LRP1B: variants seen among roughly 807,000 people sequenced by gnomAD.
LRP1B encodes low-density lipoprotein receptor-related protein 1B.
Under a neutral mutation model 556.6 loss-of-function variants are expected in LRP1B, and 217 were observed. The observed-to-expected ratio is 0.39, with a 90% CI of 0.35 to 0.44. The LOEUF (loss-of-function observed/expected upper bound fraction) is 0.44, where lower values mean the gene tolerates loss of function less well. Among genes scored for constraint, LRP1B ranks in the 20% least tolerant of loss-of-function variants. LRP1B has a pLI of 1.00. For synonymous variants in LRP1B, 2,047 were observed against 1,865.8 expected (o/e 1.10, Z -2.50); for missense variants, 5,053 against 5,620.8 (o/e 0.90, Z 3.23).
intron 7 of LRP1B, among the ~76,000 whole-genome samples, chr2:141,163,519 G>A (rs1256210158): frequency 2.6e-5 from 4 of 152,004 alleles, no homozygotes; most frequent in Admixed American, 2.6e-4. Context: ...GATAGGGTTT[G>A]GCTGTGTCCT....
At chr2:141,518,442 A>G (rs1351432093) in intron 2 of LRP1B, among the ~76,000 whole-genome samples, 2 of 152,170 alleles carry the variant, frequency 1.3e-5, no homozygotes, top group African/African-American at 4.8e-5. Flanking sequence ...TTTATTTCTC[A>G]CAGCAAATAT....
chr2:140,676,941 T>C (rs1329756748), intron 41 of LRP1B, among the ~76,000 whole-genome samples: 1 of 152,230 alleles, frequency 6.6e-6, no homozygotes, highest in African/African-American at 2.4e-5. Context: ...TCAAAACATG[T>C]TTTTCATATC....
At chr2:140,476,771 T>C (rs1340390670) in intron 59 of LRP1B, among the ~76,000 whole-genome samples, 1 of 151,994 alleles carries the variant, frequency 6.6e-6, no homozygotes, top group Non-Finnish European at 1.5e-5. Flanking sequence ...AAAGGTGTAA[T>C]GTTATAAACA....
At chr2:141,544,310 C>CTTCTTCTTCTTCTTCTTCTTCTTCTT (rs1553533071) in intron 2 of LRP1B, among the ~76,000 whole-genome samples, 241 of 19,092 alleles carry the variant, frequency 0.013, 11 homozygotes, top group South Asian at 0.047. Flanking sequence ...TCTTCTTCTT[C>CTTCTTCTTCTTCTTCTTCTTCTTCTT]TTCTTCTTCT....
chr2:141,453,193 C>T (rs1323502046), intron 3 of LRP1B, among the ~76,000 whole-genome samples: 4 of 151,902 alleles, frequency 2.6e-5, no homozygotes, highest in Non-Finnish European at 4.4e-5. Context: ...GCTGAGATTG[C>T]CCCACTACAC....
chr2:141,207,493 T>C (rs767020382), intron 6 of LRP1B, among the ~76,000 whole-genome samples: 1 of 152,240 alleles, frequency 6.6e-6, no homozygotes, highest in Non-Finnish European at 1.5e-5. Flanking sequence ...TGGAATTCTA[T>C]AAAGGTTTCT....
intron 2 of LRP1B, among the ~76,000 whole-genome samples, chr2:141,754,040 A>G (rs1163383773): frequency 6.6e-6 from 1 of 152,194 alleles, no homozygotes; most frequent in East Asian, 1.9e-4. Context: ...CTGCACTAGC[A>G]TGCCCTGTAC....
intron 2 of LRP1B, among the ~76,000 whole-genome samples, chr2:141,592,769 A>C (rs557347717): frequency 6.6e-6 from 1 of 152,110 alleles, no homozygotes; most frequent in South Asian, 2.1e-4. Context: ...TTGAGATTCT[A>C]TTCTAGGTTT....
chr2:141,592,895 G>C (rs1687390632), intron 2 of LRP1B, among the ~76,000 whole-genome samples: 1 of 152,108 alleles, frequency 6.6e-6, no homozygotes, highest in Admixed American at 6.6e-5. Context: ...GATGGGCAAG[G>C]TCATTTTATT....
chr2:141,686,578 T>C (rs984581788), intron 2 of LRP1B, among the ~76,000 whole-genome samples: 17 of 152,050 alleles, frequency 1.1e-4, no homozygotes, highest in Non-Finnish European at 2.1e-4. Flanking sequence ...GTTGATCTAC[T>C]ATGCCATATT....
chr2:142,103,585 T>C (rs1367143002), intron 1 of LRP1B, among the ~76,000 whole-genome samples: 7 of 151,992 alleles, frequency 4.6e-5, no homozygotes. Flanking sequence ...TCACTTGTAA[T>C]GTACAAATTT....
chr2:140,986,126 G>A (rs2105348579), intron 17 of LRP1B, among the ~76,000 whole-genome samples: 1 of 148,398 alleles, frequency 6.7e-6, no homozygotes, highest in Middle Eastern at 3.6e-3. Flanking sequence ...TTTTTTCCTT[G>A]GATGAGAGTA....
At position 140,651,084 on chromosome 2, in the gene LRP1B, C is replaced by A. The variant is rs1341402849; in HGVS notation, c.6799+49166G>T. 2.0e-5 allele frequency among the ~76,000 whole-genome samples: 3 copies of A among 152,012 alleles called. No homozygotes were observed. In the East Asian group the frequency reaches 5.8e-4, roughly 29 times the overall value. ...ACTCTGAAAAGAGCACCTTAATTCT[C>A]TTTTCTTCCGAATGGCCTTTAACAG... On this transcript the variant is annotated intron_variant, in intron 41 of 90. Transcript: ENST00000389484.
intron 23 of LRP1B, among the ~76,000 whole-genome samples, chr2:140,893,995 T>G (rs1693875407): frequency 6.6e-6 from 1 of 151,818 alleles, no homozygotes; most frequent in Admixed American, 6.6e-5. Context: ...GACAGAAAGG[T>G]TTGAGGTTAA....
chr2:140,589,292 C>A (rs1431802939), intron 43 of LRP1B, among the ~76,000 whole-genome samples: 3 of 151,722 alleles, frequency 2.0e-5, no homozygotes, highest in South Asian at 2.1e-4. Flanking sequence ...AACCACATAG[C>A]CAACAAAAAA....
At chr2:142,001,113 C>T (rs1702638717) in intron 1 of LRP1B, among the ~76,000 whole-genome samples, 1 of 152,158 alleles carries the variant, frequency 6.6e-6, no homozygotes, top group South Asian at 2.1e-4. Context: ...TTTTCGCCTT[C>T]CACCATGATT....
At chr2:141,617,239 A>T (rs1222790125) in intron 2 of LRP1B, among the ~76,000 whole-genome samples, 1 of 152,200 alleles carries the variant, frequency 6.6e-6, no homozygotes, top group Non-Finnish European at 1.5e-5. Context: ...ACACAACTTC[A>T]GATCTTCAAT....
intron 7 of LRP1B, among the ~76,000 whole-genome samples, chr2:141,116,634 C>T (rs1700906329): frequency 6.6e-6 from 1 of 152,038 alleles, no homozygotes; most frequent in East Asian, 1.9e-4. Context: ...GTATGGAAAC[C>T]AGTATCATCT....
chr2:141,758,809 G>A lies in LRP1B; in HGVS notation c.205+51470C>T, dbSNP rs947031879. Among the ~76,000 whole-genome samples the A allele has an allele frequency of 3.9e-5, 6 of 152,148 alleles. No homozygotes were observed. In the East Asian group the frequency reaches 1.2e-3, roughly 29 times the overall value. ...TATTTCTATGTGATCATTAAAAAGT[G>A]TCTCATTTAAAATATTTTGAAGAAA... On this transcript the variant is annotated intron_variant, in intron 2 of 90. Transcript: ENST00000389484.
Sources: allele counts gnomAD v4.1 joint callset (sites outside exome capture counted in the v4.1 genomes callset), GRCh38; gene constraint gnomAD v4.1.1; transcripts MANE v1.5; gene names NCBI Gene and HGNC (gene_info 2026-07-23, HGNC 2026-07-21).